The following CNTNAP5 variants were observed in gnomAD, a reference collection of about 807,000 sequenced individuals.
The protein encoded by CNTNAP5 is contactin-associated protein-like 5.
CNTNAP5 carries 72 observed loss-of-function variants against 150.2 expected under a neutral mutation model. The ratio of observed to expected loss-of-function variants is 0.48; its 90% CI spans 0.40 to 0.58. The LOEUF is 0.58. CNTNAP5 is among the 20% of genes least tolerant of loss of function. The probability of loss-of-function intolerance (pLI) is 0.00; values close to 1 mark genes in which losing one functional copy is unlikely to be tolerated. For missense variants in CNTNAP5, 1,636 were observed against 1,626.2 expected (o/e 1.01, Z -0.10); for synonymous variants, 672 against 619.8 (o/e 1.08, Z -1.25).
chr2:124,353,957 C>T (rs1689934933), intron 3 of CNTNAP5, among the ~76,000 whole-genome samples: 1 of 152,134 alleles, frequency 6.6e-6, no homozygotes, highest in South Asian at 2.1e-4. Flanking sequence ...TTATAAGTGA[C>T]AGTATGCCAC....
chr2:124,685,878 A>G (rs913763732), intron 13 of CNTNAP5, among the ~76,000 whole-genome samples: 1 of 151,914 alleles, frequency 6.6e-6, no homozygotes, highest in Non-Finnish European at 1.5e-5. Context: ...AATTCTCTTG[A>G]GTCCTCATTT....
chr2:124,116,615 A>G (rs1475177968), intron 1 of CNTNAP5, among the ~76,000 whole-genome samples: 1 of 152,218 alleles, frequency 6.6e-6, no homozygotes, highest in Non-Finnish European at 1.5e-5. Flanking sequence ...GGCTTTTCCT[A>G]GAAGATAAAC....
chr2:124,466,480 A>G (rs1693381027), intron 6 of CNTNAP5, among the ~76,000 whole-genome samples: 1 of 152,154 alleles, frequency 6.6e-6, no homozygotes, highest in Non-Finnish European at 1.5e-5. Flanking sequence ...TAGAGGCAGC[A>G]TGTGATTTAT....
intron 3 of CNTNAP5, among the ~76,000 whole-genome samples, chr2:124,396,073 G>T (rs1691235678): frequency 6.6e-6 from 1 of 152,188 alleles, no homozygotes; most frequent in South Asian, 2.1e-4. Context: ...GGAGTTTATA[G>T]TACATTCAGG....
intron 10 of CNTNAP5, among the ~76,000 whole-genome samples, chr2:124,554,712 G>A (rs564895441): frequency 6.6e-6 from 1 of 152,130 alleles, no homozygotes; most frequent in African/African-American, 2.4e-5. Context: ...GTGAGCCACT[G>A]AGCTCAGCCT....
Position 124,489,415 on chromosome 2 carries a change from C to G in CNTNAP5, c.1062+14533C>G, listed in dbSNP as rs980074787. Reference sequence around the variant, plus strand: ...TCCTAATATCATTTTCTTATAAGGACACCAGTCCTGTTAGATTAGAGTCTA... The same window carrying G: ...TCCTAATATCATTTTCTTATAAGGAGACCAGTCCTGTTAGATTAGAGTCTA... On this transcript the variant is annotated intron_variant, in intron 7 of 23. Transcript: ENST00000682447. Among the ~76,000 whole-genome samples the G allele has an allele frequency of 2.0e-4, 31 of 152,178 alleles. 1 individual carries two copies. The highest frequency in any genetic ancestry group is 7.0e-4 in the African/African-American group (29 of 41,424).
chr2:124,746,320 C>G (rs955194290), intron 13 of CNTNAP5, among the ~76,000 whole-genome samples: 3 of 152,012 alleles, frequency 2.0e-5, no homozygotes, highest in African/African-American at 7.2e-5. Context: ...CATAAAAAAT[C>G]CAACAGATTT....
At chr2:124,559,461 G>T (rs963682330) in intron 10 of CNTNAP5, among the ~76,000 whole-genome samples, 1 of 152,208 alleles carries the variant, frequency 6.6e-6, no homozygotes, top group Non-Finnish European at 1.5e-5. Context: ...CATGCTGAAA[G>T]CTTTCTTTGT....
chr2:124,036,533 A>G (rs910365687), intron 1 of CNTNAP5, among the ~76,000 whole-genome samples: 1 of 152,068 alleles, frequency 6.6e-6, no homozygotes, highest in African/African-American at 2.4e-5. Flanking sequence ...GCTTTCTGAT[A>G]GGCTGAAACC....
At chr2:124,480,465 T>C (rs1418194601) in intron 7 of CNTNAP5, among the ~76,000 whole-genome samples, 2 of 152,176 alleles carry the variant, frequency 1.3e-5, no homozygotes, top group African/African-American at 4.8e-5. Flanking sequence ...CAGAGTTATG[T>C]GTAAGAGATA....
At chr2:124,445,391 C>A (rs1438591761) in intron 5 of CNTNAP5, among the ~76,000 whole-genome samples, 1 of 152,090 alleles carries the variant, frequency 6.6e-6, no homozygotes, top group Admixed American at 6.5e-5. Flanking sequence ...AGCCACTGTA[C>A]CCGGCTCATA....
At chr2:124,124,603 C>A (rs1683642271) in intron 1 of CNTNAP5, among the ~76,000 whole-genome samples, 1 of 152,046 alleles carries the variant, frequency 6.6e-6, no homozygotes, top group Non-Finnish European at 1.5e-5. Context: ...CTCCAAGACA[C>A]ATAATTGTCA....
chr2:124,565,345 G>A (rs2104932846), intron 11 of CNTNAP5, among the ~76,000 whole-genome samples: 1 of 152,168 alleles, frequency 6.6e-6, no homozygotes, highest in African/African-American at 2.4e-5. Context: ...AGTATCATTG[G>A]ATTGTTCATA....
At chr2:124,752,842 G>T (rs1209654805) in intron 14 of CNTNAP5, among the ~76,000 whole-genome samples, 1 of 152,098 alleles carries the variant, frequency 6.6e-6, no homozygotes, top group Non-Finnish European at 1.5e-5. Flanking sequence ...ACAGGAGAGT[G>T]TTGGGCTGTG....
chr2:124,049,157 G>T (rs550721846), intron 1 of CNTNAP5, among the ~76,000 whole-genome samples: 1 of 152,260 alleles, frequency 6.6e-6, no homozygotes, highest in East Asian at 1.9e-4. Context: ...ACGTCCCTAT[G>T]ATCTCCTTCA....
intron 3 of CNTNAP5, among the ~76,000 whole-genome samples, chr2:124,272,886 G>A (rs1687795681): frequency 6.6e-6 from 1 of 152,198 alleles, no homozygotes; most frequent in Non-Finnish European, 1.5e-5. Flanking sequence ...AGAATTCAAT[G>A]CATGAATCTT....
chr2:124,816,059 G>A (rs541978602), intron 19 of CNTNAP5, among the ~76,000 whole-genome samples: 2 of 152,300 alleles, frequency 1.3e-5, no homozygotes, highest in East Asian at 1.9e-4. Context: ...ATAGGGGTCT[G>A]TGTCTTACCG....
chr2:124,538,504 A>C (rs1345416212), intron 10 of CNTNAP5, among the ~76,000 whole-genome samples: 1 of 151,572 alleles, frequency 6.6e-6, no homozygotes, highest in Non-Finnish European at 1.5e-5. Context: ...AGAGAAAGAG[A>C]GACTCTGTCA....
intron 3 of CNTNAP5, among the ~76,000 whole-genome samples, chr2:124,307,351 C>A (rs1343258101): frequency 6.6e-6 from 1 of 152,128 alleles, no homozygotes; most frequent in African/African-American, 2.4e-5. Flanking sequence ...AATTAGCTCC[C>A]AAGGTCCCAT....
Sources: allele counts gnomAD v4.1 joint callset (sites outside exome capture counted in the v4.1 genomes callset), GRCh38; gene constraint gnomAD v4.1.1; transcripts MANE v1.5; gene names NCBI Gene and HGNC (gene_info 2026-07-23, HGNC 2026-07-21).